The following C11orf65 variants were observed in gnomAD, a reference collection of about 807,000 sequenced individuals.
The protein encoded by C11orf65 is protein MFI.
C11orf65 carries 38 observed loss-of-function variants against 35.3 expected under a neutral mutation model. The observed-to-expected ratio is 1.08, with a 90% CI of 0.83 to 1.41. C11orf65 has a LOEUF of 1.41. Among genes scored for constraint, C11orf65 ranks in the 40% most tolerant of loss-of-function variants. C11orf65 has a pLI of 0.00. For synonymous variants in C11orf65, 105 were observed against 114.4 expected, an observed-to-expected ratio of 0.92 and a Z score of 0.53; for missense variants, 370 against 367.1, an observed-to-expected ratio of 1.01 and a Z score of -0.06.
downstream of C11orf65, among the ~76,000 whole-genome samples, chr11:108,381,161 A>G (rs2091858010): frequency 6.6e-6 from 1 of 152,208 alleles, no homozygotes. Flanking sequence ...CTCTGTCTAA[A>G]TAACTTAAAT....
intron 2 of C11orf65, among the ~76,000 whole-genome samples, chr11:108,370,924 CTT>C (rs1408017094): frequency 1.3e-5 from 2 of 151,968 alleles, no homozygotes; most frequent in South Asian, 2.1e-4. Context: ...TCTTGAGAAA[CTT>C]TTTGTTTTCC....
intron 6 of C11orf65, among the ~76,000 whole-genome samples, chr11:108,397,462 T>C (rs2092343359): frequency 6.6e-6 from 1 of 152,172 alleles, no homozygotes; most frequent in East Asian, 1.9e-4. Flanking sequence ...AATGTTTGTC[T>C]AAATGTCACA....
chr11:108,402,887 C>A (rs12364538), intron 6 of C11orf65, among the ~76,000 whole-genome samples: 1,571 of 152,234 alleles, frequency 0.01, 12 homozygotes, highest in Non-Finnish European at 0.019. Flanking sequence ...TGAGGTTCGT[C>A]CATGTCATTC....
intron 2 of C11orf65, among the ~76,000 whole-genome samples, chr11:108,447,783 T>G (rs1173247431): frequency 6.6e-6 from 1 of 151,782 alleles, no homozygotes; most frequent in African/African-American, 2.4e-5. Context: ...ATAACTAAAA[T>G]CAGAGCAGAA....
intron 2 of C11orf65, among the ~76,000 whole-genome samples, chr11:108,447,700 C>T (rs1188630733): frequency 6.6e-6 from 1 of 152,066 alleles, no homozygotes; most frequent in Non-Finnish European, 1.5e-5. Flanking sequence ...CCAAAATTGA[C>T]ACCCTAACAT....
intron 6 of C11orf65, among the ~76,000 whole-genome samples, chr11:108,395,260 G>A (rs2092279171): frequency 6.6e-6 from 1 of 152,128 alleles, no homozygotes; most frequent in Non-Finnish European, 1.5e-5. Flanking sequence ...GGAGACTGAG[G>A]TGGGAGACTC....
In C11orf65 at chr11:108,335,878, C is replaced by T. The variant is rs587781967; in HGVS notation, c.227-586G>A. ...TGACCTGAGACAAGATGCTGTCATG[C>T]AACAGGTCTTCCAGATGTGTAATAC... is the stretch of plus-strand genomic sequence containing the variant. On this transcript the variant is annotated intron_variant, in intron 2 of 3. Coordinates refer to the C11orf65 transcript ENST00000524755. 2 of 1,613,902 alleles carry T rather than the reference C, an allele frequency of 1.2e-6. No individual in the cohort carries two copies. Among genetic ancestry groups the T allele is most frequent in the Middle Eastern group, 1.6e-4 (1 of 6,062 alleles).
chr11:108,356,405 G>T (rs774849116), intron 2 of C11orf65, among the ~76,000 whole-genome samples: 1 of 151,790 alleles, frequency 6.6e-6, no homozygotes, highest in Non-Finnish European at 1.5e-5. Flanking sequence ...GCGTGATGGC[G>T]GGCACCTGTA....
At chr11:108,410,711 CT>C (rs35785036) in intron 3 of C11orf65, among the ~76,000 whole-genome samples, 90 of 136,614 alleles carry the variant, frequency 6.6e-4, no homozygotes, top group Admixed American at 6.7e-4. Context: ...CTTCCTTTTA[CT>C]TTTTTTTTTT....
rs1400626849 is a variant in C11orf65, at chr11:108,354,876, T to TA, written c.227-19585dup. On this transcript the variant is annotated intron_variant, in intron 2 of 3. Coordinates refer to the C11orf65 transcript ENST00000524755. ...GAAACTCTGTTAACCATTGTAGAGG[T>TA]AAAGTATTTTATAAGGAAGACTTTA... The TA allele has an allele frequency of 4.3e-6, 7 of 1,610,134 alleles. No individual in the cohort carries two copies. The highest frequency in any genetic ancestry group is 6.0e-6 in the Non-Finnish European group (7 of 1,176,416).
At chr11:108,354,156 C>T (rs1317128544) in intron 2 of C11orf65, among the ~76,000 whole-genome samples, 2 of 151,622 alleles carry the variant, frequency 1.3e-5, no homozygotes, top group Non-Finnish European at 2.9e-5. Context: ...AATCGTATTC[C>T]AGTGCCTTAT....
At chr11:108,447,622 C>T (rs1181514547) in intron 2 of C11orf65, among the ~76,000 whole-genome samples, 4 of 151,950 alleles carry the variant, frequency 2.6e-5, no homozygotes, top group Non-Finnish European at 5.9e-5. Context: ...ATCTCTGGGA[C>T]ACATTCAAAG....
chr11:108,315,287 T>C (rs2136107547), intron 6 of C11orf65, among the ~76,000 whole-genome samples: 1 of 152,390 alleles, frequency 6.6e-6, no homozygotes. Context: ...GTTAATCTTA[T>C]GCAATTATGA....
At chr11:108,315,352 G>A (rs2084529130) in intron 6 of C11orf65, among the ~76,000 whole-genome samples, 1 of 152,116 alleles carries the variant, frequency 6.6e-6, no homozygotes, top group Non-Finnish European at 1.5e-5. Flanking sequence ...AAATAATGCT[G>A]TGTACAGTGT....
At chr11:108,444,872 G>C (rs1179534278) in intron 2 of C11orf65, among the ~76,000 whole-genome samples, 1 of 152,194 alleles carries the variant, frequency 6.6e-6, no homozygotes, top group South Asian at 2.1e-4. Flanking sequence ...AGGGGTGACA[G>C]ATGGCACCTG....
chr11:108,435,584 G>A (rs1265298414), intron 2 of C11orf65, among the ~76,000 whole-genome samples: 1 of 151,990 alleles, frequency 6.6e-6, no homozygotes, highest in Non-Finnish European at 1.5e-5. Context: ...CCCTGAGCAA[G>A]GAACCACAAC....
chr11:108,351,047 G>A (rs371601312), intron 2 of C11orf65, among the ~76,000 whole-genome samples: 2 of 152,042 alleles, frequency 1.3e-5, no homozygotes, highest in Non-Finnish European at 2.9e-5. Context: ...ACAAATTGTC[G>A]TATATTTATA....
At chr11:108,401,589 A>G (rs1438595670) in intron 6 of C11orf65, among the ~76,000 whole-genome samples, 1 of 152,244 alleles carries the variant, frequency 6.6e-6, no homozygotes, top group South Asian at 2.1e-4. Flanking sequence ...AATTAATTGA[A>G]TAACTATCTT....
At chr11:108,466,944 C>T (rs1052926167) in intron 1 of C11orf65, among the ~76,000 whole-genome samples, 2 of 150,526 alleles carry the variant, frequency 1.3e-5, no homozygotes, top group Non-Finnish European at 2.9e-5. Flanking sequence ...TTCGCTTTTC[C>T]TTTTTACCTG....
Sources: gnomAD v4.1 joint callset for allele counts (sites outside exome capture counted in the v4.1 genomes callset) on GRCh38, gnomAD v4.1.1 for gene constraint, MANE v1.5 for transcripts, NCBI Gene and HGNC (gene_info 2026-07-23, HGNC 2026-07-21) for gene names.